Variants in OPCML observed in about 807,000 individuals in gnomAD.
OPCML encodes opioid binding protein/cell adhesion molecule like.
In OPCML, 13 loss-of-function variants were observed where a neutral mutation model predicts 37.8. The ratio of observed to expected loss-of-function variants is 0.34; its 90% CI spans 0.22 to 0.55. OPCML has a LOEUF of 0.55. Ranked by LOEUF, OPCML falls within the 20% of genes least tolerant of loss-of-function variation. The probability of loss-of-function intolerance (pLI) is 0.91; values close to 1 mark genes in which losing one functional copy is unlikely to be tolerated. For synonymous variants in OPCML, 176 were observed against 168.8 expected, an observed-to-expected ratio of 1.04 and a Z score of -0.33; for missense variants, 341 against 435.6, an observed-to-expected ratio of 0.78 and a Z score of 1.93.
rs1465355918 is a variant in OPCML, at chr11:133,286,682, G to GA, written c.61+245581dup. On this transcript the variant is annotated intron_variant, in intron 1 of 7. Coordinates refer to ENST00000524381, the MANE Select transcript of OPCML (RefSeq NM_001012393.5). Reference sequence around the variant, plus strand: ...TTGCTGGTCAGTAAGACTGGAGCCTGACCATCTACCTGCACTAACCTCAAG... The same window carrying GA: ...TTGCTGGTCAGTAAGACTGGAGCCTGAACCATCTACCTGCACTAACCTCAAG... Among the ~76,000 whole-genome samples the GA allele has an allele frequency of 2.0e-5, 3 of 152,244 alleles. No homozygotes were observed. The East Asian group carries it at 5.8e-4, about 29-fold the overall frequency.
At chr11:132,442,282 G>A (rs10894563) in intron 4 of OPCML, among the ~76,000 whole-genome samples, 41,838 of 152,092 alleles carry the variant, frequency 0.28, 5,928 homozygotes, top group Non-Finnish European at 0.3. Context: ...TTAGAGCTGA[G>A]AGAAACCTAA....
At chr11:132,432,418 G>T (rs1049302648) in intron 7 of OPCML, among the ~76,000 whole-genome samples, 2 of 152,166 alleles carry the variant, frequency 1.3e-5, no homozygotes, top group African/African-American at 4.8e-5. Flanking sequence ...TAGGATCAGA[G>T]AATTGTGCCT....
chr11:133,251,865 T>C (rs1941146061), intron 1 of OPCML, among the ~76,000 whole-genome samples: 1 of 152,206 alleles, frequency 6.6e-6, no homozygotes, highest in Non-Finnish European at 1.5e-5. Flanking sequence ...GAGCAAAGGC[T>C]AATGCTATTA....
chr11:132,617,313 T>C (rs1939096171), intron 3 of OPCML, among the ~76,000 whole-genome samples: 2 of 152,210 alleles, frequency 1.3e-5, no homozygotes, highest in Non-Finnish European at 2.9e-5. Flanking sequence ...TTCGAGGAAA[T>C]TCTTTCAACT....
intron 4 of OPCML, among the ~76,000 whole-genome samples, chr11:132,440,481 G>C (rs936217628): frequency 6.6e-6 from 1 of 152,096 alleles, no homozygotes; most frequent in Non-Finnish European, 1.5e-5. Context: ...GCACTGTGCC[G>C]CGCTGTTCGT....
At chr11:132,563,305 G>A (rs572663029) in intron 3 of OPCML, among the ~76,000 whole-genome samples, 9 of 152,166 alleles carry the variant, frequency 5.9e-5, no homozygotes, top group African/African-American at 2.2e-4. Context: ...ACAGTGCTGT[G>A]ATACTTGGAG....
At chr11:133,373,046 C>CA (rs1476288476) in intron 1 of OPCML, among the ~76,000 whole-genome samples, 10 of 151,446 alleles carry the variant, frequency 6.6e-5, no homozygotes, top group African/African-American at 2.4e-4. Flanking sequence ...TAAGAAGTTT[C>CA]AAAAAAAGAA....
chr11:133,432,556 G>T (rs1451528299), intron 1 of OPCML, among the ~76,000 whole-genome samples: 2 of 151,960 alleles, frequency 1.3e-5, no homozygotes, highest in East Asian at 3.9e-4. Flanking sequence ...TATTTATTCT[G>T]CTTGTAATTT....
intron 2 of OPCML, among the ~76,000 whole-genome samples, chr11:132,838,957 A>G (rs1941166258): frequency 6.6e-6 from 1 of 152,206 alleles, no homozygotes; most frequent in African/African-American, 2.4e-5. Flanking sequence ...GTTCTAGAAC[A>G]TTACCAAGTG....
chr11:133,055,781 C>A (rs540156910), intron 1 of OPCML, among the ~76,000 whole-genome samples: 56 of 151,180 alleles, frequency 3.7e-4, no homozygotes, highest in Admixed American at 3.7e-3. Context: ...AGGGAGCCAC[C>A]TCTACTGTAC....
chr11:132,673,567 G>A (rs753228791), intron 2 of OPCML, among the ~76,000 whole-genome samples: 1 of 152,126 alleles, frequency 6.6e-6, no homozygotes, highest in East Asian at 1.9e-4. Context: ...TGCTCTGATA[G>A]GGTTGGGGCA....
intron 4 of OPCML, among the ~76,000 whole-genome samples, chr11:132,528,755 A>G (rs751567185): frequency 6.6e-6 from 1 of 152,128 alleles, no homozygotes; most frequent in Non-Finnish European, 1.5e-5. Flanking sequence ...CAAACCACCA[A>G]CTGACCCACC....
intron 1 of OPCML, among the ~76,000 whole-genome samples, chr11:132,952,652 T>A (rs1945885712): frequency 6.6e-6 from 1 of 152,142 alleles, no homozygotes. Flanking sequence ...ACCAACATTG[T>A]GCGTGAATTA....
intron 1 of OPCML, among the ~76,000 whole-genome samples, chr11:133,323,332 T>C (rs1802443436): frequency 6.6e-6 from 1 of 152,238 alleles, no homozygotes; most frequent in South Asian, 2.1e-4. Flanking sequence ...CTAATGCTTA[T>C]GTAAAACACC....
chr11:133,265,788 G>A (rs1357884490), intron 1 of OPCML, among the ~76,000 whole-genome samples: 1 of 152,140 alleles, frequency 6.6e-6, no homozygotes, highest in Non-Finnish European at 1.5e-5. Flanking sequence ...TGAGGAAACA[G>A]GCACTGGGAT....
chr11:132,423,310 T>A (rs1158506191), intron 7 of OPCML, among the ~76,000 whole-genome samples: 1 of 152,206 alleles, frequency 6.6e-6, no homozygotes, highest in Admixed American at 6.5e-5. Context: ...CCAAAGTGCC[T>A]TTGGTCAATT....
chr11:133,168,624 T>C (rs902624233), intron 1 of OPCML, among the ~76,000 whole-genome samples: 1 of 152,230 alleles, frequency 6.6e-6, no homozygotes, highest in Non-Finnish European at 1.5e-5. Flanking sequence ...CTAGCCTTAG[T>C]TGATTCTATC....
At chr11:132,708,431 A>G (rs1308126673) in intron 2 of OPCML, among the ~76,000 whole-genome samples, 1 of 152,254 alleles carries the variant, frequency 6.6e-6, no homozygotes, top group Non-Finnish European at 1.5e-5. Flanking sequence ...TCAAATGTCA[A>G]TAACACTTCC....
intron 2 of OPCML, among the ~76,000 whole-genome samples, chr11:132,902,411 C>T (rs956974331): frequency 4.6e-5 from 7 of 152,186 alleles, no homozygotes; most frequent in Non-Finnish European, 8.8e-5. Context: ...TAGTGTCTGG[C>T]ACATGCTGGG....
Sources: allele counts gnomAD v4.1 joint callset (sites outside exome capture counted in the v4.1 genomes callset), GRCh38; gene constraint gnomAD v4.1.1; transcripts MANE v1.5; gene names NCBI Gene and HGNC (gene_info 2026-07-23, HGNC 2026-07-21).